Variants in NTM observed in about 807,000 individuals in gnomAD.
NTM encodes neurotrimin, also known as IgLON family member 2.
In NTM, 13 loss-of-function variants were observed where a neutral mutation model predicts 42.1. The ratio of observed to expected loss-of-function variants is 0.31; its 90% CI spans 0.20 to 0.49. The LOEUF (loss-of-function observed/expected upper bound fraction) is 0.49, where lower values mean the gene tolerates loss of function less well. Among genes scored for constraint, NTM ranks in the 20% least tolerant of loss-of-function variants. The probability of loss-of-function intolerance (pLI) is 0.99; values close to 1 mark genes in which losing one functional copy is unlikely to be tolerated. For synonymous variants in NTM, 187 were observed against 179.2 expected (o/e 1.04, Z -0.35); for missense variants, 373 against 452.8 (o/e 0.82, Z 1.60).
chr11:132,248,465 G>A (rs2091514441), intron 4 of NTM, among the ~76,000 whole-genome samples: 1 of 151,930 alleles, frequency 6.6e-6, no homozygotes, highest in South Asian at 2.1e-4. Flanking sequence ...TTTCATCTGA[G>A]CACCAGGAGG....
At chr11:132,046,723 A>G (rs2135860339) in intron 2 of NTM, among the ~76,000 whole-genome samples, 1 of 152,280 alleles carries the variant, frequency 6.6e-6, no homozygotes, top group South Asian at 2.1e-4. Flanking sequence ...TAGGATGGAT[A>G]CAAGGCACTC....
At chr11:131,758,037 C>G (rs1047428580) in intron 1 of NTM, among the ~76,000 whole-genome samples, 2 of 152,184 alleles carry the variant, frequency 1.3e-5, no homozygotes, top group Non-Finnish European at 2.9e-5. Flanking sequence ...CGAAGAATCT[C>G]CAGATGGTCA....
rs561706102 is a variant in NTM at position 132,317,518 on chromosome 11, T to C, written c.934+2815T>C. 1.7e-3 allele frequency: 627 copies of C among 372,712 alleles called. 7 individuals are homozygous for C. The highest frequency in any genetic ancestry group is 0.016 in the South Asian group (610 of 37,664). 23.1% of individuals were successfully genotyped at this position (372,712 alleles called of 1,614,324 possible). On this transcript the variant is annotated intron_variant, in intron 7 of 8. Coordinates refer to ENST00000683400, the MANE Select transcript of NTM (RefSeq NM_001352005.2). ...TGTCCTACGCCTTTGGTTTCTGTCT[T>C]CCTTTTTTTTATATAATCCCCCAGA...
intron 2 of NTM, among the ~76,000 whole-genome samples, chr11:132,029,374 T>C (rs1437160617): frequency 8.4e-6 from 1 of 119,662 alleles, no homozygotes; most frequent in Non-Finnish European, 1.6e-5. Flanking sequence ...CGGTGTGTGA[T>C]GTTCCCCTTC....
chr11:131,828,604 C>T (rs1272320011), intron 1 of NTM, among the ~76,000 whole-genome samples: 4 of 152,058 alleles, frequency 2.6e-5, no homozygotes, highest in Non-Finnish European at 5.9e-5. Context: ...TCATCACCGC[C>T]ACCTTAACCA....
chr11:131,741,519 A>G (rs1386327607), intron 1 of NTM, among the ~76,000 whole-genome samples: 2 of 152,224 alleles, frequency 1.3e-5, no homozygotes, highest in Admixed American at 1.3e-4. Flanking sequence ...TCTGGTGATC[A>G]TGGATTTTCC....
intron 1 of NTM, chr11:131,795,568 T>A: frequency 1.0e-6 from 1 of 985,460 alleles, no homozygotes; most frequent in Non-Finnish European, 1.2e-6. Context: ...GATGTTTGCA[T>A]AACGGGAGTC....
At chr11:131,523,782 C>CAAAAA (rs3040114) in intron 1 of NTM, among the ~76,000 whole-genome samples, 23 of 72,148 alleles carry the variant, frequency 3.2e-4, no homozygotes, top group Admixed American at 5.2e-4. Flanking sequence ...GACTCCATCT[C>CAAAAA]AAAAAAAAAA....
chr11:132,043,641 T>A (rs2077500175), intron 2 of NTM, among the ~76,000 whole-genome samples: 1 of 152,230 alleles, frequency 6.6e-6, no homozygotes, highest in Non-Finnish European at 1.5e-5. Context: ...TCTTGGCCAC[T>A]GCTTCTGGGT....
At chr11:131,911,416 C>A in intron 1 of NTM, 148 bp from the exon 2 acceptor site, 1 of 1,605,990 alleles carries the variant, frequency 6.2e-7, no homozygotes, top group Non-Finnish European at 8.5e-7. Context: ...CACCCACTTC[C>A]TGTGCTCGCC....
rs530265509 is a variant in NTM, at chr11:132,320,654, C to T, written c.934+5951C>T. On this transcript the variant is annotated intron_variant, in intron 7 of 8. Transcript: ENST00000683400. ...AGGTAAACAAAGCAGCCAGAAAGCT[C>T]GAACTGGGTGGAGCCCACCACAGCT... is the stretch of plus-strand genomic sequence containing the variant. Among the ~76,000 whole-genome samples, 181 of 152,304 alleles carry T rather than the reference C, an allele frequency of 1.2e-3. 1 individual carries two copies. The highest frequency in any genetic ancestry group is 1.7e-3 in the Non-Finnish European group (113 of 68,026).
At chr11:131,679,385 C>T (rs1036441304) in intron 1 of NTM, among the ~76,000 whole-genome samples, 4 of 152,124 alleles carry the variant, frequency 2.6e-5, no homozygotes, top group African/African-American at 9.7e-5. Flanking sequence ...GGGTTGTCAT[C>T]GTGCCTGCCA....
chr11:131,982,545 C>G (rs936531959), intron 2 of NTM, among the ~76,000 whole-genome samples: 8 of 152,182 alleles, frequency 5.3e-5, no homozygotes, highest in African/African-American at 1.9e-4. Context: ...GGGTGCTCCC[C>G]TATGGAAAGC....
At chr11:131,395,217 A>G (rs1944418526) in intron 1 of NTM, among the ~76,000 whole-genome samples, 1 of 152,190 alleles carries the variant, frequency 6.6e-6, no homozygotes, top group African/African-American at 2.4e-5. Flanking sequence ...TGGAGAGTAG[A>G]TATAAAAAGA....
At chr11:131,584,500 G>A (rs1196984809) in intron 1 of NTM, among the ~76,000 whole-genome samples, 1 of 152,156 alleles carries the variant, frequency 6.6e-6, no homozygotes, top group East Asian at 1.9e-4. Context: ...TCTGGTTCAA[G>A]CCGGGACTAT....
chr11:132,014,269 A>C (rs1308812386), intron 2 of NTM, among the ~76,000 whole-genome samples: 1 of 151,660 alleles, frequency 6.6e-6, no homozygotes, highest in East Asian at 1.9e-4. Context: ...TGTAGATGCC[A>C]CATTTTCTTT....
chr11:131,636,048 G>T (rs1289715561), intron 1 of NTM, among the ~76,000 whole-genome samples: 1 of 152,152 alleles, frequency 6.6e-6, no homozygotes, highest in Non-Finnish European at 1.5e-5. Context: ...ACAATGGGGA[G>T]ATGGCCATAG....
At chr11:132,171,540 C>T (rs1221524272) in intron 3 of NTM, among the ~76,000 whole-genome samples, 1 of 152,184 alleles carries the variant, frequency 6.6e-6, no homozygotes, top group Non-Finnish European at 1.5e-5. Context: ...GCCCTCATAA[C>T]TTAATCACCT....
chr11:132,239,299 GTGAGTT>G (rs1566552299), intron 4 of NTM, among the ~76,000 whole-genome samples: 2 of 152,186 alleles, frequency 1.3e-5, no homozygotes, highest in Non-Finnish European at 2.9e-5. Context: ...TATGCCACTG[GTGAGTT>G]TCCCAAAATT....
Sources: gnomAD v4.1 joint callset for allele counts (sites outside exome capture counted in the v4.1 genomes callset) on GRCh38, gnomAD v4.1.1 for gene constraint, MANE v1.5 for transcripts, NCBI Gene and HGNC (gene_info 2026-07-23, HGNC 2026-07-21) for gene names.